The following LRP1B variants were observed in gnomAD, a reference collection of about 807,000 sequenced individuals.
LRP1B encodes the protein LDL receptor related protein 1B, also known as low-density lipoprotein receptor-related protein 1B.
LRP1B carries 217 observed loss-of-function variants against 556.6 expected under a neutral mutation model. The ratio of observed to expected loss-of-function variants is 0.39; its 90% confidence interval spans 0.35 to 0.44. The LOEUF is 0.44. Among genes scored for constraint, LRP1B ranks in the 20% least tolerant of loss-of-function variants. The probability of loss-of-function intolerance (pLI) is 1.00; values close to 1 mark genes in which losing one functional copy is unlikely to be tolerated. For synonymous variants in LRP1B, 2,047 were observed against 1,865.8 expected, an observed-to-expected ratio of 1.10 and a Z score of -2.50; for missense variants, 5,053 against 5,620.8, an observed-to-expected ratio of 0.90 and a Z score of 3.23.
At chr2:141,488,971 T>TTTTTTTTG (rs748943953) in intron 2 of LRP1B, among the ~76,000 whole-genome samples, 6 of 59,738 alleles carry the variant, frequency 1.0e-4, no homozygotes, top group African/African-American at 1.8e-4. Context: ...GTTTGTTTTT[T>TTTTTTTTG]TTTGTTTGTT....
chr2:140,516,070 A>G (rs1166965455), intron 50 of LRP1B, among the ~76,000 whole-genome samples: 1 of 152,054 alleles, frequency 6.6e-6, no homozygotes, highest in Non-Finnish European at 1.5e-5. Flanking sequence ...AATAAAGTGT[A>G]CACACACAGA....
chr2:140,526,013 A>T lies in LRP1B; in HGVS notation c.7877-20T>A. On this transcript the variant is annotated intron_variant, in intron 48 of 90. Coordinates refer to ENST00000389484, the MANE Select transcript of LRP1B (RefSeq NM_018557.3). ...TGTTATCTAGAAGAAGGTAAACAAA[A>T]AATGAAAAAGTACCTCATTTTCAAA... The T allele has an allele frequency of 6.2e-7, 1 of 1,609,974 alleles. No homozygotes were observed. The highest frequency in any genetic ancestry group is 1.7e-5 in the Admixed American group (1 of 59,378).
At chr2:141,395,125 A>T (rs78208892) in intron 3 of LRP1B, among the ~76,000 whole-genome samples, 11,736 of 152,098 alleles carry the variant, frequency 0.077, 686 homozygotes, top group African/African-American at 0.16. Context: ...ACTTATTTTT[A>T]AAAATAAATT....
intron 1 of LRP1B, among the ~76,000 whole-genome samples, chr2:141,895,396 A>G (rs1699422909): frequency 1.3e-5 from 2 of 152,202 alleles, no homozygotes; most frequent in South Asian, 2.1e-4. Context: ...CTTGGGATAG[A>G]AAGAAAATAC....
chr2:140,730,350 A>G (rs951805174), intron 35 of LRP1B, among the ~76,000 whole-genome samples: 5 of 152,220 alleles, frequency 3.3e-5, no homozygotes, highest in African/African-American at 1.2e-4. Flanking sequence ...TCTTTAGTAC[A>G]TCATACAAGG....
At chr2:141,150,800 T>C (rs1701901865) in intron 7 of LRP1B, among the ~76,000 whole-genome samples, 1 of 151,824 alleles carries the variant, frequency 6.6e-6, no homozygotes, top group South Asian at 2.1e-4. Flanking sequence ...AATACATTTA[T>C]TTCTGGTCCA....
intron 40 of LRP1B, among the ~76,000 whole-genome samples, chr2:140,701,008 T>C (rs1267048668): frequency 6.6e-6 from 1 of 152,072 alleles, no homozygotes; most frequent in African/African-American, 2.4e-5. Flanking sequence ...CTTTGAGATA[T>C]GGAAAGCATC....
intron 1 of LRP1B, among the ~76,000 whole-genome samples, chr2:141,964,279 A>G (rs933244146): frequency 2.0e-5 from 3 of 150,792 alleles, no homozygotes; most frequent in South Asian, 2.1e-4. Context: ...AAGAGCCTGC[A>G]TCGCCAAGTC....
chr2:140,713,283 G>C (rs996755440), intron 37 of LRP1B, among the ~76,000 whole-genome samples: 2 of 151,082 alleles, frequency 1.3e-5, no homozygotes, highest in African/African-American at 2.4e-5. Context: ...AATTTGACCT[G>C]ACTCCCTTTG....
chr2:141,574,223 G>T (rs981528648), intron 2 of LRP1B, among the ~76,000 whole-genome samples: 2 of 152,082 alleles, frequency 1.3e-5, no homozygotes, highest in African/African-American at 4.8e-5. Flanking sequence ...GAATCCAGGA[G>T]CACATCAAAA....
At chr2:141,622,372 T>G (rs1688534987) in intron 2 of LRP1B, among the ~76,000 whole-genome samples, 1 of 152,208 alleles carries the variant, frequency 6.6e-6, no homozygotes, top group Admixed American at 6.5e-5. Context: ...AATGGTACAT[T>G]TAAAAAATGT....
chr2:141,575,547 A>T (rs933462869), intron 2 of LRP1B, among the ~76,000 whole-genome samples: 1 of 152,208 alleles, frequency 6.6e-6, no homozygotes, highest in East Asian at 1.9e-4. Context: ...ATGGGCAAAG[A>T]CTTCATGACA....
chr2:141,540,034 C>T (rs1264220687), intron 2 of LRP1B, among the ~76,000 whole-genome samples: 1 of 152,100 alleles, frequency 6.6e-6, no homozygotes, highest in Non-Finnish European at 1.5e-5. Flanking sequence ...TAGCTCCTAA[C>T]TTGAACTAAG....
At chr2:141,287,047 C>A (rs999022893) in intron 3 of LRP1B, among the ~76,000 whole-genome samples, 1 of 152,092 alleles carries the variant, frequency 6.6e-6, no homozygotes, top group Non-Finnish European at 1.5e-5. Context: ...GGGATAACTC[C>A]CCTTTTATTC....
At chr2:140,844,327 G>C (rs1414973068) in intron 29 of LRP1B, among the ~76,000 whole-genome samples, 1 of 152,040 alleles carries the variant, frequency 6.6e-6, no homozygotes, top group Non-Finnish European at 1.5e-5. Flanking sequence ...GCCTCCCAAA[G>C]TGCTGGGATT....
intron 58 of LRP1B, 28 bp downstream of exon 58, chr2:140,487,589 C>A: frequency 1.3e-6 from 2 of 1,576,662 alleles, no homozygotes; most frequent in Non-Finnish European, 1.7e-6. Context: ...TAATATTCAA[C>A]AATCCCATCA....
At chr2:141,916,746 G>A (rs1700046564) in intron 1 of LRP1B, among the ~76,000 whole-genome samples, 1 of 151,926 alleles carries the variant, frequency 6.6e-6, no homozygotes, top group Non-Finnish European at 1.5e-5. Context: ...AGATGGCAAC[G>A]ATAGACACTG....
intron 1 of LRP1B, among the ~76,000 whole-genome samples, chr2:142,047,324 A>G (rs2105225513): frequency 6.6e-6 from 1 of 152,164 alleles, no homozygotes; most frequent in South Asian, 2.1e-4. Flanking sequence ...GTAGTCACAT[A>G]ATATGAAATC....
At chr2:141,180,997 T>A (rs1558915630) in intron 7 of LRP1B, among the ~76,000 whole-genome samples, 1 of 152,092 alleles carries the variant, frequency 6.6e-6, no homozygotes, top group Non-Finnish European at 1.5e-5. Context: ...TAACTGATTT[T>A]TCTTTCTTAA....
Sources: gnomAD v4.1 joint callset for allele counts (sites outside exome capture counted in the v4.1 genomes callset) on GRCh38, gnomAD v4.1.1 for gene constraint, MANE v1.5 for transcripts, NCBI Gene and HGNC (gene_info 2026-07-23, HGNC 2026-07-21) for gene names.